The following NELL2 variants were observed in gnomAD, a reference collection of about 807,000 sequenced individuals.
NELL2 encodes the protein protein kinase C-binding protein NELL2.
NELL2 carries 41 observed loss-of-function variants against 109.6 expected under a neutral mutation model. That is an observed-to-expected ratio of 0.37 (90% confidence interval 0.29 to 0.49). The LOEUF (loss-of-function observed/expected upper bound fraction) is 0.49, where lower values mean the gene tolerates loss of function less well. NELL2 is among the 20% of genes least tolerant of loss of function. The pLI, the probability that NELL2 is intolerant of heterozygous loss-of-function variation, is 0.98. For missense variants in NELL2, 900 were observed against 1,008.3 expected (o/e 0.89, Z 1.45); for synonymous variants, 355 against 344.7 (o/e 1.03, Z -0.33).
At chr12:44,547,956 C>T (rs1016655903) in intron 15 of NELL2, among the ~76,000 whole-genome samples, 2 of 152,170 alleles carry the variant, frequency 1.3e-5, no homozygotes, top group African/African-American at 4.8e-5. Context: ...TCTTGCTGAA[C>T]GTATAATTGA....
intron 9 of NELL2, among the ~76,000 whole-genome samples, chr12:44,716,224 T>A (rs893628494): frequency 1.3e-5 from 2 of 152,182 alleles, no homozygotes; most frequent in African/African-American, 4.8e-5. Context: ...ATAAATAAAT[T>A]AATTAAATAA....
At chr12:44,731,953 T>C (rs1437813200) in intron 9 of NELL2, among the ~76,000 whole-genome samples, 1 of 151,828 alleles carries the variant, frequency 6.6e-6, no homozygotes, top group East Asian at 1.9e-4. Flanking sequence ...GAAAAGGAAA[T>C]AAAGTAAATA....
chr12:44,680,818 G>A (rs889229579), intron 12 of NELL2, among the ~76,000 whole-genome samples: 1 of 152,052 alleles, frequency 6.6e-6, no homozygotes, highest in African/African-American at 2.4e-5. Flanking sequence ...CGCAGTTATT[G>A]TTGTTGTCCC....
intron 13 of NELL2, among the ~76,000 whole-genome samples, chr12:44,656,775 TACATGC>T (rs1274258944): frequency 6.6e-6 from 1 of 152,218 alleles, no homozygotes; most frequent in Non-Finnish European, 1.5e-5. Flanking sequence ...ATTATTATGG[TACATGC>T]ACACACGATA....
rs111703502 is a variant in NELL2 at position 44,787,806 on chromosome 12, T to C, written c.336-7784A>G. 5.0e-3 allele frequency among the ~76,000 whole-genome samples: 759 copies of C among 152,246 alleles called. 3 individuals are homozygous for C. In the Middle Eastern group the frequency reaches 0.051, roughly 10 times the overall value. ...AGTCTCACACTTCATGCAAAAATTA[T>C]CTCAACATGGATCACAAACTTAAAT... On this transcript the variant is annotated intron_variant, in intron 3 of 19. Transcript: ENST00000429094.
intron 12 of NELL2, among the ~76,000 whole-genome samples, chr12:44,694,748 T>C (rs534053182): frequency 3.3e-5 from 5 of 152,094 alleles, no homozygotes; most frequent in African/African-American, 4.8e-5. Flanking sequence ...TTCTCCTAGC[T>C]GTTAGCAAGC....
intron 2 of NELL2, among the ~76,000 whole-genome samples, chr12:44,872,637 A>G (rs996824652): frequency 2.0e-5 from 3 of 152,182 alleles, no homozygotes; most frequent in African/African-American, 7.2e-5. Context: ...TAAAGCTAAA[A>G]GACAGAAGAA....
intron 13 of NELL2, among the ~76,000 whole-genome samples, chr12:44,653,467 T>TAAAGAG (rs1452593436): frequency 6.6e-6 from 1 of 152,190 alleles, no homozygotes; most frequent in Admixed American, 6.5e-5. Flanking sequence ...TTGGACAAAC[T>TAAAGAG]AAAGAGATTC....
chr12:44,915,025 AT>A (rs35647204), upstream of NELL2, among the ~76,000 whole-genome samples: 42,485 of 146,434 alleles, frequency 0.29, 6,381 homozygotes, highest in East Asian at 0.44. Context: ...AATTTTTTGT[AT>A]TTTTTTAGTA....
At chr12:44,640,153 T>C (rs1252999537) in intron 13 of NELL2, among the ~76,000 whole-genome samples, 1 of 152,184 alleles carries the variant, frequency 6.6e-6, no homozygotes, top group South Asian at 2.1e-4. Flanking sequence ...GCTTCACAAA[T>C]ATAAATGGGT....
intron 2 of NELL2, among the ~76,000 whole-genome samples, chr12:44,818,730 TTTTTTTTTA>T (rs1461973194): frequency 3.9e-4 from 38 of 96,546 alleles, no homozygotes; most frequent in Admixed American, 9.1e-4. Context: ...CACTTATTTT[TTTTTTTTTA>T]TTTTTTTTTT....
intron 2 of NELL2, among the ~76,000 whole-genome samples, chr12:44,836,811 T>C (rs1944067999): frequency 6.6e-6 from 1 of 152,214 alleles, no homozygotes; most frequent in Admixed American, 6.5e-5. Context: ...ATTAATTATG[T>C]TCTTTTGAAA....
chr12:44,886,768 C>T (rs1945478093), intron 1 of NELL2, among the ~76,000 whole-genome samples: 1 of 151,780 alleles, frequency 6.6e-6, no homozygotes, highest in Non-Finnish European at 1.5e-5. Flanking sequence ...TTCTTGTGTC[C>T]AATCATATAT....
intron 16 of NELL2, among the ~76,000 whole-genome samples, chr12:44,526,088 A>G (rs1338048187): frequency 6.6e-6 from 1 of 152,202 alleles, no homozygotes; most frequent in Non-Finnish European, 1.5e-5. Context: ...GGTAAAGGTC[A>G]TGTTAAGAAA....
rs1241074750 is a variant in NELL2, at chr12:44,644,604, G to GTGTATATATATA, written c.1444+20879_1444+20880insTATATATATACA. Among the ~76,000 whole-genome samples the GTGTATATATATA allele has an allele frequency of 9.9e-3, 802 of 81,108 alleles. 8 individuals are homozygous for GTGTATATATATA. Among genetic ancestry groups the GTGTATATATATA allele is most frequent in the East Asian group, 0.011 (24 of 2,256 alleles). The allele number at this position is 81,108 out of a possible 152,430, so 53.2% of individuals were successfully genotyped here. On this transcript the variant is annotated intron_variant, in intron 13 of 19. Coordinates refer to ENST00000429094, the MANE Select transcript of NELL2 (RefSeq NM_001145108.2). ...AGTATATATATATATATATATATAT[G>GTGTATATATATA]TATGTATATATATATATATATACAT... is the stretch of plus-strand genomic sequence containing the variant.
chr12:44,731,404 G>T (rs912648279), intron 9 of NELL2, among the ~76,000 whole-genome samples: 1 of 148,642 alleles, frequency 6.7e-6, no homozygotes, highest in Admixed American at 6.6e-5. Flanking sequence ...CCATGATAAA[G>T]TGGTATTTAT....
At chr12:44,691,452 C>A (rs962911528) in intron 12 of NELL2, among the ~76,000 whole-genome samples, 1 of 152,094 alleles carries the variant, frequency 6.6e-6, no homozygotes, top group African/African-American at 2.4e-5. Flanking sequence ...CATCTCGCCC[C>A]CTTTCCTCAG....
intron 10 of NELL2, among the ~76,000 whole-genome samples, chr12:44,713,175 G>GAC (rs1351426666): frequency 1.3e-5 from 1 of 77,634 alleles, no homozygotes; most frequent in African/African-American, 4.7e-5. Context: ...AAATGAATAG[G>GAC]ATACACACAC....
intron 12 of NELL2, among the ~76,000 whole-genome samples, chr12:44,680,497 G>T (rs1036906362): frequency 6.6e-6 from 1 of 152,096 alleles, no homozygotes; most frequent in African/African-American, 2.4e-5. Flanking sequence ...AATTAAAGCT[G>T]TTTTTTGAAT....
Sources: allele counts gnomAD v4.1 joint callset (sites outside exome capture counted in the v4.1 genomes callset), GRCh38; gene constraint gnomAD v4.1.1; transcripts MANE v1.5; gene names NCBI Gene and HGNC (gene_info 2026-07-23, HGNC 2026-07-21).